The following LRP1B variants were observed in gnomAD, a reference collection of about 807,000 sequenced individuals.
LRP1B encodes LDL receptor related protein 1B.
A neutral mutation model predicts 556.6 loss-of-function variants in LRP1B; 217 were observed. That is an observed-to-expected ratio of 0.39 (90% CI 0.35 to 0.44). LRP1B has a LOEUF of 0.44. Ranked by LOEUF, LRP1B falls within the 20% of genes least tolerant of loss-of-function variation. LRP1B has a pLI of 1.00. For synonymous variants in LRP1B, 2,047 were observed against 1,865.8 expected, an observed-to-expected ratio of 1.10 and a Z score of -2.50; for missense variants, 5,053 against 5,620.8, an observed-to-expected ratio of 0.90 and a Z score of 3.23.
intron 47 of LRP1B, among the ~76,000 whole-genome samples, chr2:140,530,894 G>A (rs1690663312): frequency 6.6e-6 from 1 of 152,044 alleles, no homozygotes; most frequent in South Asian, 2.1e-4. Context: ...CAGAAATCAA[G>A]AGTTTCGACT....
intron 83 of LRP1B, among the ~76,000 whole-genome samples, chr2:140,302,377 G>GA (rs1470947656): frequency 6.6e-6 from 1 of 152,048 alleles, no homozygotes; most frequent in East Asian, 1.9e-4. Context: ...CTCCCTAAAA[G>GA]AGTAAACTTT....
In LRP1B at chr2:141,869,179, T is replaced by C. The variant is rs558565388; in HGVS notation, c.83-58778A>G. 2.8e-4 allele frequency among the ~76,000 whole-genome samples: 42 copies of C among 152,204 alleles called. 4 individuals carry two copies. The South Asian group carries it at 8.7e-3, about 32-fold the overall frequency. On this transcript the variant is annotated intron_variant, in intron 1 of 90. Transcript: ENST00000389484. ...ATAGAATGTGCAATGATGAAAATGT[T>C]CTTTATCTGTAGCTGCTGACAGTAG...
At chr2:140,711,717 A>G (rs1687036742) in intron 37 of LRP1B, among the ~76,000 whole-genome samples, 1 of 152,144 alleles carries the variant, frequency 6.6e-6, no homozygotes, top group Non-Finnish European at 1.5e-5. Context: ...TAGCTTCAGC[A>G]AAACTTAACC....
intron 79 of LRP1B, among the ~76,000 whole-genome samples, chr2:140,327,879 T>C (rs1339517971): frequency 1.3e-5 from 2 of 151,998 alleles, no homozygotes; most frequent in African/African-American, 2.4e-5. Context: ...TACATCTTGA[T>C]AAAAATTATA....
At chr2:140,997,386 T>TA (rs1200920422) in intron 15 of LRP1B, among the ~76,000 whole-genome samples, 56 of 151,464 alleles carry the variant, frequency 3.7e-4, no homozygotes, top group Admixed American at 7.3e-4. Context: ...TTTTTTTTTT[T>TA]AATTTATTTT....
At chr2:141,977,088 A>G (rs1701906876) in intron 1 of LRP1B, among the ~76,000 whole-genome samples, 1 of 152,168 alleles carries the variant, frequency 6.6e-6, no homozygotes, top group Non-Finnish European at 1.5e-5. Flanking sequence ...CGTAGTTTCC[A>G]AAAGTTCTAT....
intron 3 of LRP1B, among the ~76,000 whole-genome samples, chr2:141,378,601 G>C (rs956835057): frequency 6.6e-6 from 1 of 152,086 alleles, no homozygotes; most frequent in Non-Finnish European, 1.5e-5. Flanking sequence ...AGGAGTTTGA[G>C]GCTACAGTGA....
At chr2:141,834,079 G>A (rs1272195496) in intron 1 of LRP1B, among the ~76,000 whole-genome samples, 1 of 151,850 alleles carries the variant, frequency 6.6e-6, no homozygotes, top group Admixed American at 6.6e-5. Context: ...GATTATAGGC[G>A]TGCCTGGTAG....
intron 55 of LRP1B, among the ~76,000 whole-genome samples, chr2:140,500,577 G>A (rs1417159856): frequency 6.6e-6 from 1 of 151,900 alleles, no homozygotes; most frequent in Non-Finnish European, 1.5e-5. Flanking sequence ...GCCTTGTATT[G>A]AACAGAAACT....
In LRP1B at chr2:140,325,877, A is replaced by C; in HGVS notation, c.12225T>G (p.Gly4075=). Residue 4075 remains glycine, a splice_region_variant and synonymous_variant, in exon 80 of 91, where the codon GGT becomes GGG. Transcript: ENST00000389484. ...GTTCACTAAAATAATCCACAGCCAA[A>C]CCTGCAAAATCAACACACACAAGAC... ...LVQKNLQRPT[G]LAVDYFSERI... 6.3e-7 allele frequency: 1 copy of C among 1,595,688 alleles called. No homozygotes were observed. Among genetic ancestry groups the C allele is most frequent in the Non-Finnish European group, 8.6e-7 (1 of 1,164,488 alleles).
At chr2:141,290,020 T>C (rs1443484687) in intron 3 of LRP1B, among the ~76,000 whole-genome samples, 1 of 152,186 alleles carries the variant, frequency 6.6e-6, no homozygotes, top group Non-Finnish European at 1.5e-5. Flanking sequence ...AATTTATAAA[T>C]TTGTACTAGT....
chr2:140,376,283 A>C (rs554540612), intron 68 of LRP1B, among the ~76,000 whole-genome samples: 9 of 152,298 alleles, frequency 5.9e-5, no homozygotes, highest in Admixed American at 2.0e-4. Flanking sequence ...ATTTTAAAGA[A>C]GTAGTAGTAT....
intron 1 of LRP1B, among the ~76,000 whole-genome samples, chr2:141,981,565 G>A (rs1702043146): frequency 6.6e-6 from 1 of 152,066 alleles, no homozygotes; most frequent in African/African-American, 2.4e-5. Context: ...ATTATAAGCA[G>A]GGGATTTAAA....
At chr2:141,569,449 C>T (rs1191848907) in intron 2 of LRP1B, among the ~76,000 whole-genome samples, 1 of 151,100 alleles carries the variant, frequency 6.6e-6, no homozygotes. Context: ...CTCAAAACAT[C>T]TCTGAAATAT....
In LRP1B at chr2:140,737,743, G is replaced by A. The variant is rs187430465; in HGVS notation, c.5759-20927C>T. Among the ~76,000 whole-genome samples, 479 of 152,230 alleles carry A rather than the reference G, an allele frequency of 3.1e-3. 4 individuals carry two copies. The highest frequency in any genetic ancestry group is 4.8e-3 in the Non-Finnish European group (328 of 68,020). On this transcript the variant is annotated intron_variant, in intron 35 of 90. Transcript: ENST00000389484. Reference sequence around the variant, plus strand: ...AGATTAGTGTCACAATGAAAGACAGGGTGCAGGAGTAGTGGTTCCTATTAC... The same window carrying A: ...AGATTAGTGTCACAATGAAAGACAGAGTGCAGGAGTAGTGGTTCCTATTAC...
At chr2:142,015,266 A>G (rs1703083007) in intron 1 of LRP1B, among the ~76,000 whole-genome samples, 1 of 152,180 alleles carries the variant, frequency 6.6e-6, no homozygotes, top group African/African-American at 2.4e-5. Flanking sequence ...AAAATAATCA[A>G]TGGAGAAAGG....
intron 32 of LRP1B, among the ~76,000 whole-genome samples, chr2:140,792,311 C>T (rs1690150391): frequency 6.6e-6 from 1 of 152,150 alleles, no homozygotes; most frequent in Non-Finnish European, 1.5e-5. Flanking sequence ...AGCCACCAGA[C>T]ATTGAACCTA....
intron 3 of LRP1B, among the ~76,000 whole-genome samples, chr2:141,454,465 G>A (rs1681553161): frequency 6.6e-6 from 1 of 152,036 alleles, no homozygotes; most frequent in Non-Finnish European, 1.5e-5. Flanking sequence ...CAGCTACTAT[G>A]GGCCCACTTA....
At chr2:141,830,901 A>G (rs1368431618) in intron 1 of LRP1B, among the ~76,000 whole-genome samples, 2 of 151,806 alleles carry the variant, frequency 1.3e-5, no homozygotes, top group African/African-American at 2.4e-5. Flanking sequence ...TAGAAAACTA[A>G]GCATAGCTAA....
Sources: gnomAD v4.1 joint callset for allele counts (sites outside exome capture counted in the v4.1 genomes callset) on GRCh38, gnomAD v4.1.1 for gene constraint, MANE v1.5 for transcripts, NCBI Gene and HGNC (gene_info 2026-07-23, HGNC 2026-07-21) for gene names.